Variants in PARN observed in about 807,000 individuals in gnomAD.
The protein encoded by PARN is poly(A)-specific ribonuclease, also known as poly(A)-specific ribonuclease PARN.
Under a neutral mutation model 102.8 loss-of-function variants are expected in PARN, and 71 were observed. The ratio of observed to expected loss-of-function variants is 0.69; its 90% CI spans 0.57 to 0.84. The LOEUF is 0.84. PARN is among the 40% of genes least tolerant of loss of function. PARN has a pLI of 0.00. For synonymous variants in PARN, 261 were observed against 252.9 expected (o/e 1.03, Z -0.30); for missense variants, 782 against 760.9 (o/e 1.03, Z -0.33).
chr16:14,594,005 A>G (rs1393452562), intron 12 of PARN, among the ~76,000 whole-genome samples: 1 of 152,164 alleles, frequency 6.6e-6, no homozygotes, highest in Admixed American at 6.6e-5. Flanking sequence ...TCAAAAAAAA[A>G]AAAGTAAAAT....
At chr16:14,598,699 G>A (rs1016411287) in intron 12 of PARN, among the ~76,000 whole-genome samples, 3 of 152,172 alleles carry the variant, frequency 2.0e-5, no homozygotes, top group South Asian at 2.1e-4. Flanking sequence ...AAGTCCTCGT[G>A]AGCCAACCCT....
intron 21 of PARN, among the ~76,000 whole-genome samples, chr16:14,501,282 C>A (rs1241950447): frequency 4.4e-5 from 6 of 137,136 alleles, no homozygotes; most frequent in East Asian, 4.0e-4. Flanking sequence ...AAACAAAAAA[C>A]AAACAAAAAA....
At chr16:14,555,798 A>AT (rs1192954601) in intron 18 of PARN, 89 bp from the exon 19 acceptor site, 7 of 579,338 alleles carry the variant, frequency 1.2e-5, no homozygotes, top group African/African-American at 5.8e-5. Flanking sequence ...GAAAAAAAAA[A>AT]TTTTAATAGG....
At chr16:14,463,779 G>A (rs185301624) in intron 22 of PARN, among the ~76,000 whole-genome samples, 33 of 147,606 alleles carry the variant, frequency 2.2e-4, no homozygotes, top group Admixed American at 5.4e-4. Flanking sequence ...AAATGAGAGC[G>A]GGAAAAAGAA....
intron 22 of PARN, among the ~76,000 whole-genome samples, chr16:14,470,440 T>TGATGATGATGATG (rs1170896033): frequency 0.012 from 1,229 of 98,808 alleles, 17 homozygotes; most frequent in African/African-American, 0.034. Context: ...TTTGGATGAT[T>TGATGATGATGATG]ATTATTATTA....
chr16:14,541,005 T>A (rs1419149293), intron 21 of PARN, among the ~76,000 whole-genome samples: 1 of 151,786 alleles, frequency 6.6e-6, no homozygotes, highest in Non-Finnish European at 1.5e-5. Flanking sequence ...AAAGCACAGA[T>A]TTCGGCCAAA....
At chr16:14,492,052 C>A (rs764112080) in intron 21 of PARN, among the ~76,000 whole-genome samples, 1 of 152,254 alleles carries the variant, frequency 6.6e-6, no homozygotes, top group Non-Finnish European at 1.5e-5. Context: ...ACCCACCTGC[C>A]TGCTCACACC....
chr16:14,441,370 T>C (rs1398419288), intron 23 of PARN, among the ~76,000 whole-genome samples: 1 of 152,184 alleles, frequency 6.6e-6, no homozygotes, highest in Non-Finnish European at 1.5e-5. Context: ...TAACTGGAGT[T>C]GAAATGGAGA....
At chr16:14,499,853 T>C (rs555482363) in intron 21 of PARN, among the ~76,000 whole-genome samples, 2 of 152,270 alleles carry the variant, frequency 1.3e-5, no homozygotes, top group East Asian at 1.9e-4. Context: ...CCAAAAAATG[T>C]TTTAAATAAA....
In PARN at chr16:14,617,583, A is replaced by G; in HGVS notation, c.388+7T>C. On this transcript the variant is annotated splice_region_variant and intron_variant, in intron 6 of 23. Coordinates refer to ENST00000437198, the MANE Select transcript of PARN (RefSeq NM_002582.4). The stretch of plus-strand genomic sequence containing the variant: ...AAGCTCTAAAGATAGGTTACCCATA[A>G]TCTTACCATTTCGAAAAACTTTATT... The G allele has an allele frequency of 7.1e-7, 1 of 1,413,346 alleles. No individual in the cohort carries two copies. 87.6% of individuals were successfully genotyped at this position (1,413,346 alleles called of 1,614,324 possible).
At chr16:14,481,156 G>A (rs894239449) in intron 22 of PARN, among the ~76,000 whole-genome samples, 1 of 151,992 alleles carries the variant, frequency 6.6e-6, no homozygotes, top group Non-Finnish European at 1.5e-5. Context: ...TCCTACATAT[G>A]CAGACAAAAA....
At chr16:14,445,599 T>C (rs1961166531) in intron 23 of PARN, among the ~76,000 whole-genome samples, 1 of 152,242 alleles carries the variant, frequency 6.6e-6, no homozygotes, top group Admixed American at 6.5e-5. Context: ...TGTCACTCTG[T>C]TGCCCAGGAT....
At chr16:14,503,387 A>C (rs1284705993) in intron 21 of PARN, among the ~76,000 whole-genome samples, 5 of 152,210 alleles carry the variant, frequency 3.3e-5, no homozygotes, top group Non-Finnish European at 5.9e-5. Context: ...GTAATGCAGT[A>C]TCTATTTCTT....
chr16:14,630,239 G>C lies in PARN; in HGVS notation c.-114C>G, dbSNP rs886187580. ...TAGCTGAGGCAGCCGCAGCGGTGAC[G>C]CCGGCCGCGACTTCCGGAAACAGCG... On this transcript the variant is annotated 5_prime_UTR_variant, in exon 1 of 24. Coordinates refer to ENST00000437198, the MANE Select transcript of PARN (RefSeq NM_002582.4). 3.2e-6 allele frequency: 3 copies of C among 931,828 alleles called. No individual in the cohort carries two copies. The highest frequency in any genetic ancestry group is 3.3e-5 in the South Asian group (2 of 61,010). The allele number at this position is 931,828 out of a possible 1,614,324, so 57.7% of individuals were successfully genotyped here. A position where few individuals can be genotyped will look rare whatever the true frequency, so the allele number is the denominator to read the frequency against.
chr16:14,471,837 C>T (rs548072677), intron 22 of PARN, among the ~76,000 whole-genome samples: 26 of 152,310 alleles, frequency 1.7e-4, no homozygotes, highest in African/African-American at 6.3e-4. Flanking sequence ...GAATTTACAC[C>T]TATATCTTTA....
intron 18 of PARN, chr16:14,578,404 C>T (rs1969293506): frequency 1.3e-5 from 2 of 150,672 alleles, no homozygotes; most frequent in African/African-American, 4.9e-5. Flanking sequence ...TCTGTAACTC[C>T]AGCACTCTGG....
At chr16:14,447,416 A>G (rs1188548205) in intron 22 of PARN, among the ~76,000 whole-genome samples, 2 of 152,228 alleles carry the variant, frequency 1.3e-5, no homozygotes, top group Non-Finnish European at 2.9e-5. Context: ...AATAGTAGAG[A>G]TAATATAATG....
intron 18 of PARN, among the ~76,000 whole-genome samples, chr16:14,571,112 G>A (rs1034149028): frequency 1.3e-5 from 2 of 151,860 alleles, no homozygotes; most frequent in Admixed American, 6.6e-5. Context: ...CTCCAGGCGC[G>A]GTGGCTCATG....
At chr16:14,573,104 A>C (rs1968907534) in intron 18 of PARN, among the ~76,000 whole-genome samples, 2 of 151,172 alleles carry the variant, frequency 1.3e-5, no homozygotes, top group Admixed American at 6.6e-5. Flanking sequence ...CCTGGTTTCA[A>C]CTCCTGGCCT....
Sources: allele counts gnomAD v4.1 joint callset (sites outside exome capture counted in the v4.1 genomes callset), GRCh38; gene constraint gnomAD v4.1.1; transcripts MANE v1.5; gene names NCBI Gene and HGNC (gene_info 2026-07-23, HGNC 2026-07-21).